The following PBX1 variants were observed in gnomAD, a reference collection of about 807,000 sequenced individuals.
PBX1 encodes the protein pre-B-cell leukemia transcription factor 1.
A neutral mutation model predicts 53.4 loss-of-function variants in PBX1; 6 were observed. That is an observed-to-expected ratio of 0.11 (90% CI 0.06 to 0.22). PBX1 has a LOEUF of 0.22. Among genes scored for constraint, PBX1 ranks in the 10% least tolerant of loss-of-function variants. The pLI is 1.00. For synonymous variants in PBX1, 204 were observed against 212.3 expected (o/e 0.96, Z 0.34); for missense variants, 251 against 551.4 (o/e 0.46, Z 5.46).
intron 8 of PBX1, chr1:164,829,708 C>T (rs1330627608): frequency 6.6e-6 from 1 of 151,798 alleles, no homozygotes; most frequent in African/African-American, 2.4e-5. Flanking sequence ...AGCAAACCAC[C>T]ATGGCACACA....
At chr1:164,688,725 C>A (rs967600994) in intron 2 of PBX1, among the ~76,000 whole-genome samples, 3 of 152,170 alleles carry the variant, frequency 2.0e-5, no homozygotes, top group Non-Finnish European at 4.4e-5. Flanking sequence ...CAATATCTCC[C>A]CTTCTAGGAG....
chr1:164,667,721 T>G (rs1250036852), intron 2 of PBX1, among the ~76,000 whole-genome samples: 1 of 152,188 alleles, frequency 6.6e-6, no homozygotes, highest in Non-Finnish European at 1.5e-5. Context: ...ACAACGCATT[T>G]CAAATACTTG....
intron 2 of PBX1, among the ~76,000 whole-genome samples, chr1:164,713,337 TAGG>T (rs1398269804): frequency 6.6e-6 from 1 of 152,100 alleles, no homozygotes; most frequent in Non-Finnish European, 1.5e-5. Context: ...AAGGTATGTG[TAGG>T]AGGTCAGGAA....
rs1446202470 is a variant in PBX1 at position 164,559,770 on chromosome 1, G to T, written c.-53G>T. 6 of 1,423,212 alleles carry T rather than the reference G, an allele frequency of 4.2e-6. No homozygotes were observed. Among genetic ancestry groups the T allele is most frequent in the Non-Finnish European group, 5.7e-6 (6 of 1,055,570 alleles). The allele number at this position is 1,423,212 out of a possible 1,614,324, so 88.2% of individuals were successfully genotyped here. On this transcript the variant is annotated 5_prime_UTR_variant, in exon 1 of 9. Transcript: ENST00000420696. ...TAAAAAGCCTTGGTGCTTCCCAGGA[G>T]CCGAGCCGAGGAGCAGAAGAGGAAG...
At chr1:164,834,885 C>T (rs1385080447) in intron 8 of PBX1, among the ~76,000 whole-genome samples, 2 of 152,146 alleles carry the variant, frequency 1.3e-5, no homozygotes, top group Admixed American at 1.3e-4. Context: ...GATATGGACT[C>T]TTCTTCAGAC....
intron 2 of PBX1, among the ~76,000 whole-genome samples, chr1:164,743,125 TG>T (rs1341143652): frequency 6.6e-6 from 1 of 152,156 alleles, no homozygotes; most frequent in African/African-American, 2.4e-5. Flanking sequence ...GTGCCTGTAG[TG>T]GTATTTTAGC....
chr1:164,723,226 A>G (rs371686876), intron 2 of PBX1, among the ~76,000 whole-genome samples: 2 of 152,164 alleles, frequency 1.3e-5, no homozygotes, highest in East Asian at 1.9e-4. Flanking sequence ...CTAAAACCCA[A>G]TCCCTTTCCT....
chr1:164,614,493 C>T (rs1223479728), intron 2 of PBX1, among the ~76,000 whole-genome samples: 2 of 152,098 alleles, frequency 1.3e-5, no homozygotes, highest in African/African-American at 4.8e-5. Flanking sequence ...ACCCCCACTC[C>T]TACCTCCCCT....
intron 2 of PBX1, among the ~76,000 whole-genome samples, chr1:164,779,600 C>G (rs756778165): frequency 1.1e-4 from 16 of 152,158 alleles, no homozygotes; most frequent in Non-Finnish European, 1.6e-4. Flanking sequence ...TGTCTGTTAC[C>G]CCAGAAAGCA....
intron 2 of PBX1, among the ~76,000 whole-genome samples, chr1:164,781,862 T>C (rs1001673917): frequency 1.3e-5 from 2 of 152,044 alleles, no homozygotes; most frequent in Non-Finnish European, 2.9e-5. Flanking sequence ...GACTTGCCTC[T>C]GGTTATTAAA....
At chr1:164,568,980 G>T (rs1297594512) in intron 2 of PBX1, among the ~76,000 whole-genome samples, 2 of 152,198 alleles carry the variant, frequency 1.3e-5, no homozygotes, top group Non-Finnish European at 2.9e-5. Flanking sequence ...GGTGGAAATT[G>T]AGATTGCAAT....
At chr1:164,682,173 G>T (rs921520885) in intron 2 of PBX1, 1 of 152,204 alleles carries the variant, frequency 6.6e-6, no homozygotes, top group African/African-American at 2.4e-5. Flanking sequence ...TTTTACATCT[G>T]ATGGAAAGAA....
intron 2 of PBX1, among the ~76,000 whole-genome samples, chr1:164,692,315 A>G (rs893752714): frequency 2.0e-4 from 30 of 152,312 alleles, no homozygotes; most frequent in Admixed American, 1.6e-3. Flanking sequence ...ATGCACTTAA[A>G]TGATTTTAGT....
intron 2 of PBX1, among the ~76,000 whole-genome samples, chr1:164,660,240 G>A (rs530652190): frequency 5.1e-4 from 78 of 152,330 alleles, no homozygotes; most frequent in African/African-American, 1.8e-3. Flanking sequence ...TGAAATATAA[G>A]GGAATGTTGT....
At chr1:164,579,618 G>C (rs192272922) in intron 2 of PBX1, among the ~76,000 whole-genome samples, 14 of 152,324 alleles carry the variant, frequency 9.2e-5, no homozygotes, top group Admixed American at 1.3e-4. Context: ...CAGTCTGTCT[G>C]TCCTGGCTGT....
intron 2 of PBX1, among the ~76,000 whole-genome samples, chr1:164,725,255 GC>G (rs1664636818): frequency 6.6e-6 from 1 of 152,136 alleles, no homozygotes; most frequent in African/African-American, 2.4e-5. Context: ...TGGTGCATAA[GC>G]CCCCAAAGGT....
At chr1:164,622,822 CTTTTTT>C (rs11299132) in intron 2 of PBX1, among the ~76,000 whole-genome samples, 4 of 106,290 alleles carry the variant, frequency 3.8e-5, no homozygotes, top group African/African-American at 1.5e-4. Flanking sequence ...CAGTTTCCAT[CTTTTTT>C]TTTTTTTTTT....
chr1:164,706,057 A>T (rs971404420), intron 2 of PBX1, among the ~76,000 whole-genome samples: 1 of 152,112 alleles, frequency 6.6e-6, no homozygotes, highest in Non-Finnish European at 1.5e-5. Flanking sequence ...TGGTTGATAT[A>T]AAAAAAATCT....
At chr1:164,842,088 A>G (rs1671327680) in intron 8 of PBX1, among the ~76,000 whole-genome samples, 1 of 152,156 alleles carries the variant, frequency 6.6e-6, no homozygotes, top group Admixed American at 6.5e-5. Flanking sequence ...AAGAGTGGGA[A>G]AAAGAGGAGA....
Sources: gnomAD v4.1 joint callset for allele counts (sites outside exome capture counted in the v4.1 genomes callset) on GRCh38, gnomAD v4.1.1 for gene constraint, MANE v1.5 for transcripts, NCBI Gene and HGNC (gene_info 2026-07-23, HGNC 2026-07-21) for gene names.